ITPK1: variants seen among roughly 807,000 people sequenced by gnomAD.
ITPK1 encodes inositol-tetrakisphosphate 1-kinase.
ITPK1 carries 21 observed loss-of-function variants against 45.3 expected under a neutral mutation model. The ratio of observed to expected loss-of-function variants is 0.46; its 90% CI spans 0.33 to 0.67. ITPK1 has a LOEUF of 0.67. Ranked by LOEUF, ITPK1 falls within the 30% of genes least tolerant of loss-of-function variation. The pLI, the probability that ITPK1 is intolerant of heterozygous loss-of-function variation, is 0.02. For missense variants in ITPK1, 474 were observed against 573.5 expected, an observed-to-expected ratio of 0.83 and a Z score of 1.77; for synonymous variants, 258 against 253.6, an observed-to-expected ratio of 1.02 and a Z score of -0.16.
At chr14:92,982,891 C>A (rs1886302048) in intron 5 of ITPK1, among the ~76,000 whole-genome samples, 1 of 152,232 alleles carries the variant, frequency 6.6e-6, no homozygotes, top group Non-Finnish European at 1.5e-5. Flanking sequence ...GGTGCAACCT[C>A]CCTGCTAGCA....
At chr14:93,091,987 C>G (rs1163205966) in intron 2 of ITPK1, among the ~76,000 whole-genome samples, 2 of 152,228 alleles carry the variant, frequency 1.3e-5, no homozygotes, top group African/African-American at 4.8e-5. Flanking sequence ...GCACCACAGG[C>G]TCTGGCACGG....
In ITPK1 at chr14:93,032,444, G is replaced by A. The variant is rs573320684; in HGVS notation, c.121-15643C>T. ...TACTCAAAATCATTTGCAAAGACTC[G>A]GTTGCGTCAAGCTAAGCAGCAGCAG... On this transcript the variant is annotated intron_variant, in intron 3 of 10. Coordinates refer to ENST00000267615, the MANE Select transcript of ITPK1 (RefSeq NM_014216.6). The surrounding 1 kb of genome is among the most constrained non-coding windows in gnomAD (Gnocchi z 4.0). 2.6e-5 allele frequency among the ~76,000 whole-genome samples: 4 copies of A among 152,258 alleles called. No individual in the cohort carries two copies. Among genetic ancestry groups the A allele is most frequent in the African/African-American group, 9.6e-5 (4 of 41,544 alleles).
chr14:92,944,702 TTC>T (rs1887597761), intron 10 of ITPK1, among the ~76,000 whole-genome samples: 2 of 152,128 alleles, frequency 1.3e-5, no homozygotes, highest in African/African-American at 4.8e-5. Context: ...GATCCCACAC[TTC>T]CTTATCCTGA....
intron 4 of ITPK1, among the ~76,000 whole-genome samples, chr14:93,007,191 C>T (rs1015191839): frequency 3.3e-5 from 5 of 152,178 alleles, no homozygotes; most frequent in Non-Finnish European, 7.4e-5. Flanking sequence ...AGCAGCAGCC[C>T]CACGCCCCCT....
intron 2 of ITPK1, among the ~76,000 whole-genome samples, chr14:93,083,921 C>G (rs112791620): frequency 6.6e-6 from 1 of 152,196 alleles, no homozygotes. Context: ...TTGCACTGAC[C>G]CCACCAGGCT....
At chr14:92,966,256 T>G (rs1311547076) in intron 5 of ITPK1, among the ~76,000 whole-genome samples, 1 of 152,186 alleles carries the variant, frequency 6.6e-6, no homozygotes, top group Admixed American at 6.5e-5. Flanking sequence ...CCTCCCAAAG[T>G]GCTGGGATTA....
Position 93,026,064 on chromosome 14 carries a change from T to C in ITPK1, c.121-9263A>G, listed in dbSNP as rs181131856. 6.6e-5 allele frequency among the ~76,000 whole-genome samples: 10 copies of C among 152,222 alleles called. No individual in the cohort carries two copies. The East Asian group carries it at 1.9e-3, about 29-fold the overall frequency. The stretch of plus-strand genomic sequence containing the variant: ...GGCAGGAGGGTGGCTTAAGCACGGA[T>C]TGCGCCACTGCACTCCAGCCTGGGT... On this transcript the variant is annotated intron_variant, in intron 3 of 10. Coordinates refer to ENST00000267615, the MANE Select transcript of ITPK1 (RefSeq NM_014216.6).
intron 4 of ITPK1, among the ~76,000 whole-genome samples, chr14:93,004,173 A>C (rs1406341492): frequency 6.6e-6 from 1 of 152,168 alleles, no homozygotes; most frequent in Non-Finnish European, 1.5e-5. Flanking sequence ...TGCCCACCAC[A>C]GGTGAGGGAG....
chr14:93,096,907 C>A (rs1892103544), intron 2 of ITPK1, among the ~76,000 whole-genome samples: 1 of 152,216 alleles, frequency 6.6e-6, no homozygotes, highest in East Asian at 1.9e-4. Flanking sequence ...CACCGAGTCC[C>A]TTGGTCAGTC....
chr14:93,008,931 C>T (rs995859039), intron 4 of ITPK1, among the ~76,000 whole-genome samples: 2 of 152,208 alleles, frequency 1.3e-5, no homozygotes, highest in African/African-American at 4.8e-5. Flanking sequence ...TCAGTGTCCA[C>T]ACAAAAATCA....
intron 3 of ITPK1, among the ~76,000 whole-genome samples, chr14:93,065,193 CA>C (rs1472505379): frequency 7.2e-5 from 11 of 152,244 alleles, no homozygotes; most frequent in Admixed American, 7.2e-4. Context: ...CATCCCTGGT[CA>C]GCCCTGCTTT....
rs1324242551 is a variant in ITPK1, at chr14:93,032,794, A to G, written c.121-15993T>C. On this transcript the variant is annotated intron_variant, in intron 3 of 10. Coordinates refer to ENST00000267615, the MANE Select transcript of ITPK1 (RefSeq NM_014216.6). The surrounding 1 kb of genome is among the most constrained non-coding windows in gnomAD (Gnocchi z 4.0). ...AGTTGCTGGGACTCACGAAGGGGCC[A>G]TCGCACTCTGCAGACTGCAGCGTAC... Among the ~76,000 whole-genome samples the G allele has an allele frequency of 6.6e-6, 1 of 152,224 alleles. No homozygotes were observed. Among genetic ancestry groups the G allele is most frequent in the Non-Finnish European group, 1.5e-5 (1 of 68,042 alleles).
chr14:93,017,129 T>A (rs948637343), intron 3 of ITPK1, among the ~76,000 whole-genome samples: 1 of 152,172 alleles, frequency 6.6e-6, no homozygotes, highest in African/African-American at 2.4e-5. Flanking sequence ...GCCAGGCAAG[T>A]GATGCTGAGA....
intron 10 of ITPK1, among the ~76,000 whole-genome samples, chr14:92,942,733 A>T (rs10873430): frequency 6.6e-6 from 1 of 152,076 alleles, no homozygotes; most frequent in East Asian, 1.9e-4. Flanking sequence ...TGCGAACATC[A>T]GCAGAGCCCT....
At chr14:93,013,380 G>A (rs1206061502) in intron 4 of ITPK1, among the ~76,000 whole-genome samples, 1 of 152,166 alleles carries the variant, frequency 6.6e-6, no homozygotes, top group Non-Finnish European at 1.5e-5. Flanking sequence ...GTAAGCCTCT[G>A]GCCCACAGCC....
chr14:93,019,182 G>A (rs1314478147), intron 3 of ITPK1, among the ~76,000 whole-genome samples: 2 of 152,184 alleles, frequency 1.3e-5, no homozygotes, highest in African/African-American at 4.8e-5. Context: ...CGCAGGGGGA[G>A]CCGGGCCACA....
At chr14:92,995,587 C>G (rs570479466) in intron 4 of ITPK1, among the ~76,000 whole-genome samples, 1 of 152,274 alleles carries the variant, frequency 6.6e-6, no homozygotes, top group East Asian at 1.9e-4. Context: ...CAGTGGTGGC[C>G]GGCGTAACCT....
chr14:93,016,542 C>T lies in ITPK1; in HGVS notation c.246+134G>A. ...ACCTGCCCACGAGCCCATGTCTTGCCAGTGGCAGAGCCATTTCTCCAGACT... is the reference window on the plus strand; with the variant it reads ...ACCTGCCCACGAGCCCATGTCTTGCTAGTGGCAGAGCCATTTCTCCAGACT... On this transcript the variant is annotated intron_variant, in intron 4 of 10. Transcript: ENST00000267615. The surrounding 1 kb of genome is among the most constrained non-coding windows in gnomAD (Gnocchi z 5.0). The T allele has an allele frequency of 9.9e-7, 1 of 1,013,392 alleles. No individual in the cohort carries two copies. The highest frequency in any genetic ancestry group is 1.5e-6 in the Non-Finnish European group (1 of 686,386). 62.8% of individuals were successfully genotyped at this position (1,013,392 alleles called of 1,614,324 possible).
chr14:93,032,912 G>C lies in ITPK1; in HGVS notation c.121-16111C>G, dbSNP rs1889140668. On this transcript the variant is annotated intron_variant, in intron 3 of 10. Coordinates refer to ENST00000267615, the MANE Select transcript of ITPK1 (RefSeq NM_014216.6). This position sits in a 1 kb window ranked among gnomAD's most constrained non-coding sequence, Gnocchi z 4.0. Reference sequence around the variant, plus strand: ...CTGCAAAGCCAGCCCTTTTCTCTAGGGGGTGAGCCCTTTAGCAAAGGAGCT... The same window carrying C: ...CTGCAAAGCCAGCCCTTTTCTCTAGCGGGTGAGCCCTTTAGCAAAGGAGCT... 6.6e-6 allele frequency among the ~76,000 whole-genome samples: 1 copy of C among 152,208 alleles called. No individual in the cohort carries two copies. Among genetic ancestry groups the C allele is most frequent in the Non-Finnish European group, 1.5e-5 (1 of 68,038 alleles).
Sources: gnomAD v4.1 joint callset for allele counts (sites outside exome capture counted in the v4.1 genomes callset) on GRCh38, gnomAD v4.1.1 for gene constraint, Gnocchi (gnomAD v3.1) non-coding constraint, MANE v1.5 for transcripts, NCBI Gene and HGNC (gene_info 2026-07-23, HGNC 2026-07-21) for gene names.